Variants in MALRD1 observed in about 807,000 individuals in gnomAD.
MALRD1 encodes the protein MAM and LDL-receptor class A domain-containing protein 1.
MALRD1 carries 247 observed loss-of-function variants against 242.1 expected under a neutral mutation model. The ratio of observed to expected loss-of-function variants is 1.02; its 90% confidence interval spans 0.92 to 1.13. MALRD1 has a LOEUF of 1.13. MALRD1 is among the 50% of genes most tolerant of loss of function. MALRD1 has a pLI of 0.00. For missense variants in MALRD1, 2,989 were observed against 2,533.1 expected, an observed-to-expected ratio of 1.18 and a Z score of -3.86; for synonymous variants, 995 against 866.6, an observed-to-expected ratio of 1.15 and a Z score of -2.60.
chr10:19,428,935 A>G (rs1463222361), intron 28 of MALRD1, among the ~76,000 whole-genome samples: 1 of 152,188 alleles, frequency 6.6e-6, no homozygotes, highest in African/African-American at 2.4e-5. Flanking sequence ...AAAAACTGAC[A>G]TGAGCCTATC....
intron 12 of MALRD1, among the ~76,000 whole-genome samples, chr10:19,163,146 A>T (rs1409562940): frequency 7.2e-6 from 1 of 138,422 alleles, no homozygotes; most frequent in Non-Finnish European, 1.5e-5. Flanking sequence ...CTAAAAAAAA[A>T]AAAAAAAAAA....
chr10:19,383,799 T>C (rs186830318), intron 26 of MALRD1, among the ~76,000 whole-genome samples: 10 of 152,014 alleles, frequency 6.6e-5, no homozygotes, highest in Admixed American at 1.3e-4. Flanking sequence ...CAGTATTAAA[T>C]AGATACTAGA....
At chr10:19,382,127 C>A (rs1845863087) in intron 26 of MALRD1, among the ~76,000 whole-genome samples, 1 of 152,118 alleles carries the variant, frequency 6.6e-6, no homozygotes. Context: ...CTGGCTTTAA[C>A]AATTAAGGAT....
intron 15 of MALRD1, 41 bp downstream of exon 15, chr10:19,203,921 TGTTTA>T (rs1836664575): frequency 6.5e-7 from 1 of 1,548,342 alleles, no homozygotes; most frequent in African/African-American, 1.4e-5. Context: ...TGCTATTTAC[TGTTTA>T]GTTAGACTTC....
chr10:19,414,011 T>A (rs767658258), intron 28 of MALRD1, among the ~76,000 whole-genome samples: 1 of 151,780 alleles, frequency 6.6e-6, no homozygotes, highest in Non-Finnish European at 1.5e-5. Context: ...TCCTCATAAT[T>A]GATTCTCCTT....
At chr10:19,607,091 C>G (rs1838675847) in intron 34 of MALRD1, among the ~76,000 whole-genome samples, 1 of 152,112 alleles carries the variant, frequency 6.6e-6, no homozygotes, top group Non-Finnish European at 1.5e-5. Flanking sequence ...TCGAAACAAC[C>G]AAAGTCTTAT....
At chr10:19,337,409 C>T (rs1272928003) in intron 24 of MALRD1, among the ~76,000 whole-genome samples, 1 of 152,094 alleles carries the variant, frequency 6.6e-6, no homozygotes, top group African/African-American at 2.4e-5. Flanking sequence ...GGACCCGCTG[C>T]TTTCCTTTTT....
intron 4 of MALRD1, among the ~76,000 whole-genome samples, chr10:19,103,769 C>T (rs1394387485): frequency 6.6e-6 from 1 of 152,034 alleles, no homozygotes; most frequent in African/African-American, 2.4e-5. Context: ...TATCCTATGC[C>T]AGACATTTGA....
chr10:19,522,349 A>G (rs971877956), intron 31 of MALRD1, among the ~76,000 whole-genome samples: 2 of 152,132 alleles, frequency 1.3e-5, no homozygotes, highest in African/African-American at 4.8e-5. Flanking sequence ...GGTAAAAGGA[A>G]CTGAGATTAA....
intron 6 of MALRD1, among the ~76,000 whole-genome samples, chr10:19,124,166 A>T (rs1037708967): frequency 4.6e-5 from 7 of 151,984 alleles, no homozygotes; most frequent in African/African-American, 1.7e-4. Context: ...ACAGTGGGCT[A>T]TGATTGCACC....
At chr10:19,661,170 C>T (rs1030532945) in intron 36 of MALRD1, among the ~76,000 whole-genome samples, 2 of 152,130 alleles carry the variant, frequency 1.3e-5, no homozygotes, top group South Asian at 2.1e-4. Flanking sequence ...AATAGGAACG[C>T]TTTTACACTG....
chr10:19,594,423 T>TA (rs763591512), intron 33 of MALRD1, among the ~76,000 whole-genome samples: 7 of 152,186 alleles, frequency 4.6e-5, no homozygotes, highest in South Asian at 2.1e-4. Flanking sequence ...TGGAAAATAG[T>TA]ATGGAGATGC....
At chr10:19,478,612 G>A (rs777059248) in intron 29 of MALRD1, among the ~76,000 whole-genome samples, 44 of 151,654 alleles carry the variant, frequency 2.9e-4, no homozygotes, top group Non-Finnish European at 1.5e-4. Flanking sequence ...TTTATATCTC[G>A]TACTAAGTTC....
intron 36 of MALRD1, among the ~76,000 whole-genome samples, chr10:19,626,644 C>G (rs918679288): frequency 6.6e-6 from 1 of 151,506 alleles, no homozygotes; most frequent in African/African-American, 2.4e-5. Context: ...GAGGCCTATA[C>G]TGAATAGTAC....
chr10:19,699,713 G>A (rs1016447691), intron 38 of MALRD1, among the ~76,000 whole-genome samples: 1 of 152,108 alleles, frequency 6.6e-6, no homozygotes, highest in Non-Finnish European at 1.5e-5. Context: ...ACTCATGGCA[G>A]AAGGCAAGGC....
intron 36 of MALRD1, among the ~76,000 whole-genome samples, chr10:19,628,874 G>T (rs1839792477): frequency 6.6e-6 from 1 of 152,168 alleles, no homozygotes; most frequent in Admixed American, 6.5e-5. Flanking sequence ...GCGGATGAAT[G>T]TGCCCGTCCC....
chr10:19,705,689 A>G (rs905922110), intron 38 of MALRD1, among the ~76,000 whole-genome samples: 3 of 149,628 alleles, frequency 2.0e-5, no homozygotes, highest in African/African-American at 2.5e-5. Context: ...TGCGCCACCT[A>G]TTCCTCCTCC....
chr10:19,657,203 T>C (rs1023211149), intron 36 of MALRD1, among the ~76,000 whole-genome samples: 1 of 152,194 alleles, frequency 6.6e-6, no homozygotes, highest in Non-Finnish European at 1.5e-5. Flanking sequence ...ATTCAGTCTT[T>C]TCTCTCTCTG....
intron 28 of MALRD1, among the ~76,000 whole-genome samples, chr10:19,402,630 C>T (rs1846917216): frequency 6.6e-6 from 1 of 151,930 alleles, no homozygotes; most frequent in African/African-American, 2.4e-5. Context: ...CTAATATACC[C>T]TATCTCCAAA....
Sources: gnomAD v4.1 joint callset for allele counts (sites outside exome capture counted in the v4.1 genomes callset) on GRCh38, gnomAD v4.1.1 for gene constraint, MANE v1.5 for transcripts, NCBI Gene and HGNC (gene_info 2026-07-23, HGNC 2026-07-21) for gene names.